PPP2R3A: variants seen among roughly 807,000 people sequenced by gnomAD.
PPP2R3A encodes the protein serine/threonine-protein phosphatase 2A regulatory subunit B'' subunit alpha.
A neutral mutation model predicts 106.9 loss-of-function variants in PPP2R3A; 80 were observed. That is an observed-to-expected ratio of 0.75 (90% CI 0.62 to 0.90). The LOEUF is 0.90. Among genes scored for constraint, PPP2R3A ranks in the 40% least tolerant of loss-of-function variants. The pLI is 0.00. For missense variants in PPP2R3A, 1,386 were observed against 1,350.4 expected, an observed-to-expected ratio of 1.03 and a Z score of -0.41; for synonymous variants, 483 against 468.3, an observed-to-expected ratio of 1.03 and a Z score of -0.41.
At chr3:136,125,911 A>C (rs557844919) in intron 13 of PPP2R3A, among the ~76,000 whole-genome samples, 1 of 152,180 alleles carries the variant, frequency 6.6e-6, no homozygotes, top group Admixed American at 6.5e-5. Flanking sequence ...CCCAACATCC[A>C]TTGACAATAA....
intron 7 of PPP2R3A, among the ~76,000 whole-genome samples, chr3:136,080,375 G>A (rs1028922290): frequency 6.6e-6 from 1 of 152,164 alleles, no homozygotes; most frequent in East Asian, 1.9e-4. Flanking sequence ...ATAGACCACT[G>A]GAGGGAAAAT....
intron 2 of PPP2R3A, among the ~76,000 whole-genome samples, chr3:136,012,016 C>T (rs1490494853): frequency 6.6e-6 from 1 of 151,996 alleles, no homozygotes; most frequent in African/African-American, 2.4e-5. Context: ...CACACACACT[C>T]TCCACCAAGG....
chr3:136,138,572 A>G (rs1370028925), intron 13 of PPP2R3A, among the ~76,000 whole-genome samples: 2 of 152,112 alleles, frequency 1.3e-5, no homozygotes. Context: ...CAACTTCCAA[A>G]ATTTCAGCTA....
At chr3:136,008,964 AC>A (rs1193632825) in intron 2 of PPP2R3A, among the ~76,000 whole-genome samples, 3 of 151,298 alleles carry the variant, frequency 2.0e-5, no homozygotes, top group African/African-American at 4.9e-5. Flanking sequence ...AATCCAGATC[AC>A]CCCCCATCCC....
chr3:136,051,395 T>C (rs1007680651), intron 5 of PPP2R3A, among the ~76,000 whole-genome samples: 5 of 152,236 alleles, frequency 3.3e-5, no homozygotes, highest in African/African-American at 1.2e-4. Flanking sequence ...AATGGTGCGA[T>C]CTTGGCTCAC....
At chr3:136,059,928 A>G (rs973938300) in intron 5 of PPP2R3A, among the ~76,000 whole-genome samples, 3 of 152,218 alleles carry the variant, frequency 2.0e-5, no homozygotes, top group Admixed American at 2.0e-4. Flanking sequence ...GAGCTAAATG[A>G]TGAGAACACA....
intron 5 of PPP2R3A, among the ~76,000 whole-genome samples, chr3:136,061,491 G>A (rs1042786367): frequency 6.6e-6 from 1 of 152,136 alleles, no homozygotes; most frequent in African/African-American, 2.4e-5. Flanking sequence ...AGCCGGGTGT[G>A]GTGGCACGTA....
At chr3:136,065,068 G>A (rs1017329757) in intron 5 of PPP2R3A, among the ~76,000 whole-genome samples, 5 of 152,162 alleles carry the variant, frequency 3.3e-5, no homozygotes, top group African/African-American at 1.2e-4. Flanking sequence ...TAAAAGGAAA[G>A]TAAGGAACTA....
At chr3:136,017,140 T>C (rs1347622309) in intron 2 of PPP2R3A, among the ~76,000 whole-genome samples, 5 of 152,202 alleles carry the variant, frequency 3.3e-5, no homozygotes, top group African/African-American at 1.2e-4. Flanking sequence ...GCTAAAGATA[T>C]GACCCCAATC....
At position 136,146,072 on chromosome 3, in the gene PPP2R3A, G is replaced by C. The variant is rs1300688940; in HGVS notation, c.*906G>C. 6.6e-6 allele frequency: 1 copy of C among 151,918 alleles called. No homozygotes were observed. Among genetic ancestry groups the C allele is most frequent in the Non-Finnish European group, 1.5e-5 (1 of 68,008 alleles). The allele number at this position is 151,918 out of a possible 1,614,324, so 9.4% of individuals were successfully genotyped here. On this transcript the variant is annotated 3_prime_UTR_variant, in exon 14 of 14. Transcript: ENST00000264977. ...ATATTCCTTCCTCCCAGGAGTATTA[G>C]ACTAGCTAATAGTAAAGGCCTCAAC...
chr3:136,047,643 T>C (rs1473319664), intron 4 of PPP2R3A, among the ~76,000 whole-genome samples: 3 of 152,224 alleles, frequency 2.0e-5, no homozygotes, highest in Non-Finnish European at 2.9e-5. Context: ...GGCTCACGCC[T>C]GTAATCCCAG....
intron 5 of PPP2R3A, among the ~76,000 whole-genome samples, chr3:136,068,724 C>T (rs1936336941): frequency 6.6e-6 from 1 of 151,904 alleles, no homozygotes; most frequent in South Asian, 2.1e-4. Context: ...CTCTCAAAAG[C>T]GTCTGCCTCC....
intron 5 of PPP2R3A, among the ~76,000 whole-genome samples, chr3:136,060,631 G>T (rs187178606): frequency 6.6e-6 from 1 of 152,148 alleles, no homozygotes; most frequent in African/African-American, 2.4e-5. Flanking sequence ...TTTCCTGAGG[G>T]CTCCCCAGGC....
intron 2 of PPP2R3A, among the ~76,000 whole-genome samples, chr3:136,025,556 T>C (rs1934616831): frequency 6.6e-6 from 1 of 152,146 alleles, no homozygotes; most frequent in Non-Finnish European, 1.5e-5. Flanking sequence ...GAATAAATCT[T>C]ATCTCTTTAT....
chr3:136,002,096 A>C lies in PPP2R3A; in HGVS notation c.598A>C (p.Met200Leu), dbSNP rs747623080. The C allele has an allele frequency of 1.6e-5, 26 of 1,614,140 alleles. No homozygotes were observed. The highest frequency in any genetic ancestry group is 2.2e-5 in the Non-Finnish European group (26 of 1,180,006). The change falls in exon 2 of 14, where the codon ATG becomes CTG. Residue 200 changes from methionine (M) to leucine (L), a missense_variant. Met to Leu is a conservative substitution (Grantham distance 15). Transcript: ENST00000264977. Reference protein sequence around the residue: ...RNSLDTNLTSMFLQNFSEEDL... With the variant: ...RNSLDTNLTSLFLQNFSEEDL... ...CTCACTGGATACGAACCTGACTTCC[A>C]TGTTTCTTCAAAACTTTTCTGAAGA... is the stretch of plus-strand genomic sequence containing the variant.
Position 136,089,711 on chromosome 3 carries a change from G to A in PPP2R3A, c.2838-867G>A, listed in dbSNP as rs370664456. 1.5e-3 allele frequency among the ~76,000 whole-genome samples: 220 copies of A among 151,476 alleles called. 2 individuals are homozygous for A. The highest frequency in any genetic ancestry group is 2.6e-3 in the Non-Finnish European group (176 of 67,866). ...CTTTGGGGAGTATGGCTATTTTAACGATATTGAATCTTCCTATCCATGACC... is the reference window on the plus strand; with the variant it reads ...CTTTGGGGAGTATGGCTATTTTAACAATATTGAATCTTCCTATCCATGACC... On this transcript the variant is annotated intron_variant, in intron 9 of 13. Coordinates refer to ENST00000264977, the MANE Select transcript of PPP2R3A (RefSeq NM_002718.5).
At position 136,055,060 on chromosome 3, in the gene PPP2R3A, C is replaced by T. The variant is rs1576466478; in HGVS notation, c.2469+5699C>T. The T allele has an allele frequency of 8.8e-6, 3 of 340,434 alleles. No individual in the cohort carries two copies. In the East Asian group the frequency reaches 1.8e-4, roughly 21 times the overall value. The allele number at this position is 340,434 out of a possible 1,614,324, so 21.1% of individuals were successfully genotyped here. On this transcript the variant is annotated intron_variant, in intron 5 of 13. Transcript: ENST00000264977. ...TGTAATAAAAGTTAATGTTTATAAA[C>T]ATTTCAATATTTTAAAGTATATTTC...
chr3:135,972,227 T>C (rs966507522), intron 1 of PPP2R3A, among the ~76,000 whole-genome samples: 3 of 152,192 alleles, frequency 2.0e-5, no homozygotes, highest in Non-Finnish European at 4.4e-5. Flanking sequence ...TCATACAATA[T>C]GTAACCTTTT....
intron 2 of PPP2R3A, among the ~76,000 whole-genome samples, chr3:136,007,954 T>C (rs1413922345): frequency 1.3e-5 from 2 of 152,206 alleles, no homozygotes; most frequent in African/African-American, 4.8e-5. Flanking sequence ...TGCTTTCTTC[T>C]AACCCTGAGC....
Sources: gnomAD v4.1 joint callset for allele counts (sites outside exome capture counted in the v4.1 genomes callset) on GRCh38, gnomAD v4.1.1 for gene constraint, MANE v1.5 for transcripts, NCBI Gene and HGNC (gene_info 2026-07-23, HGNC 2026-07-21) for gene names.